Variants in HS6ST3 observed in about 807,000 individuals in gnomAD.
HS6ST3 encodes the protein heparan sulfate 6-O-sulfotransferase 3.
In HS6ST3, 12 loss-of-function variants were observed where a neutral mutation model predicts 36.7. The ratio of observed to expected loss-of-function variants is 0.33; its 90% CI spans 0.21 to 0.53. The LOEUF (loss-of-function observed/expected upper bound fraction) is 0.53, where lower values mean the gene tolerates loss of function less well. Ranked by LOEUF, HS6ST3 falls within the 20% of genes least tolerant of loss-of-function variation. The pLI, the probability that HS6ST3 is intolerant of heterozygous loss-of-function variation, is 0.95. For missense variants in HS6ST3, 584 were observed against 640.9 expected, an observed-to-expected ratio of 0.91 and a Z score of 0.96; for synonymous variants, 240 against 257.5, an observed-to-expected ratio of 0.93 and a Z score of 0.65.
intron 1 of HS6ST3, among the ~76,000 whole-genome samples, chr13:96,385,852 C>T (rs1437336554): frequency 1.3e-5 from 2 of 152,110 alleles, no homozygotes; most frequent in African/African-American, 4.8e-5. Flanking sequence ...ATTACTATAT[C>T]CATTTTATAG....
intron 1 of HS6ST3, among the ~76,000 whole-genome samples, chr13:96,793,580 C>T (rs572355023): frequency 7.2e-5 from 11 of 152,148 alleles, no homozygotes; most frequent in African/African-American, 2.6e-4. Context: ...TGGGCCTGCC[C>T]ATGGTAGCAC....
intron 1 of HS6ST3, among the ~76,000 whole-genome samples, chr13:96,131,917 A>T (rs2053977776): frequency 6.6e-6 from 1 of 152,134 alleles, no homozygotes; most frequent in Non-Finnish European, 1.5e-5. Context: ...AAAAAAAGGT[A>T]AAAACTTTTA....
chr13:96,809,233 A>G (rs753027528), intron 1 of HS6ST3, among the ~76,000 whole-genome samples: 5 of 152,174 alleles, frequency 3.3e-5, no homozygotes, highest in Non-Finnish European at 7.3e-5. Context: ...TAAAATCTTT[A>G]TTATAATCCA....
chr13:96,741,153 A>G (rs1876429023), intron 1 of HS6ST3, among the ~76,000 whole-genome samples: 2 of 152,190 alleles, frequency 1.3e-5, no homozygotes, highest in African/African-American at 4.8e-5. Context: ...ATTGGCTGCC[A>G]TTTGACATTA....
intron 1 of HS6ST3, among the ~76,000 whole-genome samples, chr13:96,688,244 A>ATAATAATAATAAT (rs1566430088): frequency 1.3e-5 from 2 of 150,860 alleles, no homozygotes; most frequent in African/African-American, 2.4e-5. Context: ...CATCATAATA[A>ATAATAATAATAAT]AAAGACTCTC....
chr13:96,181,748 G>C (rs373677620), intron 1 of HS6ST3, among the ~76,000 whole-genome samples: 1 of 152,144 alleles, frequency 6.6e-6, no homozygotes, highest in Non-Finnish European at 1.5e-5. Flanking sequence ...TAGATTGAGC[G>C]TATTTGGGAG....
chr13:96,658,296 T>TTC (rs1555316978), intron 1 of HS6ST3, among the ~76,000 whole-genome samples: 3 of 87,384 alleles, frequency 3.4e-5, no homozygotes, highest in Non-Finnish European at 2.4e-5. Flanking sequence ...TTTTTTTTTT[T>TTC]TTGAGATGGC....
chr13:96,750,990 C>A (rs886846249), intron 1 of HS6ST3, among the ~76,000 whole-genome samples: 2 of 152,130 alleles, frequency 1.3e-5, no homozygotes, highest in African/African-American at 4.8e-5. Flanking sequence ...GAATCAATAT[C>A]TGGCTAATAC....
intron 1 of HS6ST3, among the ~76,000 whole-genome samples, chr13:96,578,508 C>T (rs185334037): frequency 1.6e-4 from 25 of 152,218 alleles, no homozygotes; most frequent in African/African-American, 6.0e-4. Flanking sequence ...TTCCTTTGTC[C>T]TTGGGCTGCT....
At chr13:96,530,046 G>C (rs896358271) in intron 1 of HS6ST3, among the ~76,000 whole-genome samples, 9 of 152,206 alleles carry the variant, frequency 5.9e-5, no homozygotes, top group African/African-American at 2.2e-4. Flanking sequence ...GATAGTCTCT[G>C]ATGAGCACTG....
intron 1 of HS6ST3, among the ~76,000 whole-genome samples, chr13:96,495,804 ACTTTACATTGTG>A (rs1340692404): frequency 6.6e-6 from 1 of 152,178 alleles, no homozygotes; most frequent in Non-Finnish European, 1.5e-5. Context: ...GATTTGCAAA[ACTTTACATTGTG>A]AGCAAAACAT....
At chr13:96,498,077 TG>T (rs1000880976) in intron 1 of HS6ST3, among the ~76,000 whole-genome samples, 17 of 152,072 alleles carry the variant, frequency 1.1e-4, no homozygotes, top group Non-Finnish European at 2.5e-4. Context: ...AAAATGATTT[TG>T]GGGGGATTTC....
At chr13:96,247,075 G>A (rs908521377) in intron 1 of HS6ST3, among the ~76,000 whole-genome samples, 2 of 152,132 alleles carry the variant, frequency 1.3e-5, no homozygotes, top group African/African-American at 4.8e-5. Flanking sequence ...TGGGCTGAGA[G>A]AGCTACATTG....
intron 1 of HS6ST3, among the ~76,000 whole-genome samples, chr13:96,450,539 A>AT (rs2055722619): frequency 6.6e-6 from 1 of 152,030 alleles, no homozygotes; most frequent in South Asian, 2.1e-4. Context: ...ACTATTGAGT[A>AT]TTTTTTCCAT....
intron 1 of HS6ST3, among the ~76,000 whole-genome samples, chr13:96,332,601 G>T (rs1273305706): frequency 6.6e-6 from 1 of 152,198 alleles, no homozygotes; most frequent in Non-Finnish European, 1.5e-5. Context: ...TCCCTTAATT[G>T]TTAGAGGCCC....
At chr13:96,108,077 C>T (rs2053850285) in intron 1 of HS6ST3, among the ~76,000 whole-genome samples, 1 of 152,192 alleles carries the variant, frequency 6.6e-6, no homozygotes, top group Non-Finnish European at 1.5e-5. Flanking sequence ...AGGACAGACT[C>T]ATATTTCTCT....
intron 1 of HS6ST3, among the ~76,000 whole-genome samples, chr13:96,705,231 C>G (rs1186232170): frequency 6.6e-6 from 1 of 152,120 alleles, no homozygotes; most frequent in Non-Finnish European, 1.5e-5. Flanking sequence ...ATTATTGTAT[C>G]ATCCATCATA....
intron 1 of HS6ST3, among the ~76,000 whole-genome samples, chr13:96,774,349 T>A (rs1877340191): frequency 6.6e-6 from 1 of 152,088 alleles, no homozygotes; most frequent in Non-Finnish European, 1.5e-5. Flanking sequence ...TTGACAGAAG[T>A]AGGCTTCAGA....
intron 1 of HS6ST3, among the ~76,000 whole-genome samples, chr13:96,165,164 A>G (rs1050505025): frequency 1.3e-5 from 2 of 152,120 alleles, no homozygotes; most frequent in African/African-American, 2.4e-5. Flanking sequence ...TCTTTTTTTA[A>G]AAGTTATTTT....
Sources: allele counts gnomAD v4.1 joint callset (sites outside exome capture counted in the v4.1 genomes callset), GRCh38; gene constraint gnomAD v4.1.1; transcripts MANE v1.5; gene names NCBI Gene and HGNC (gene_info 2026-07-23, HGNC 2026-07-21).